Variants in IRAK1BP1 observed in about 807,000 individuals in gnomAD.
IRAK1BP1 encodes interleukin 1 receptor associated kinase 1 binding protein 1, also known as interleukin-1 receptor-associated kinase 1-binding protein 1.
Under a neutral mutation model 28.0 loss-of-function variants are expected in IRAK1BP1, and 24 were observed. That is an observed-to-expected ratio of 0.86 (90% confidence interval 0.62 to 1.20). IRAK1BP1 has a LOEUF of 1.20. Ranked by LOEUF, IRAK1BP1 falls within the 50% of genes most tolerant of loss-of-function variation. The pLI, the probability that IRAK1BP1 is intolerant of heterozygous loss-of-function variation, is 0.00. For synonymous variants in IRAK1BP1, 131 were observed against 116.3 expected (o/e 1.13, Z -0.81); for missense variants, 336 against 316.7 (o/e 1.06, Z -0.46).
At chr6:78,905,867 C>G (rs536338200), downstream of IRAK1BP1, among the ~76,000 whole-genome samples, 1 of 152,274 alleles carries the variant, frequency 6.6e-6, no homozygotes, top group Admixed American at 6.5e-5. Flanking sequence ...TCCCAAAGTG[C>G]TGGGATTACA....
the IRAK1BP1 span, among the ~76,000 whole-genome samples, chr6:78,975,476 C>A: frequency 6.6e-6 from 1 of 152,184 alleles, no homozygotes. Context: ...GACAGGGATG[C>A]TCTCTCTCAC....
chr6:78,961,692 G>A, the IRAK1BP1 span: 1 of 1,611,618 alleles, frequency 6.2e-7, no homozygotes, highest in Non-Finnish European at 8.5e-7. Flanking sequence ...GTTCTAACCT[G>A]TAAAACCTGT....
chr6:78,943,990 T>TAAAAAAAAAA (rs558983037), intron 4 of IRAK1BP1, among the ~76,000 whole-genome samples: 1 of 78,144 alleles, frequency 1.3e-5, no homozygotes, highest in Non-Finnish European at 2.3e-5. Context: ...TGTCTTTTTT[T>TAAAAAAAAAA]AAAAAAAAAA....
chr6:78,870,253 A>C (rs556355853), intron 1 of IRAK1BP1, among the ~76,000 whole-genome samples: 1 of 152,146 alleles, frequency 6.6e-6, no homozygotes, highest in South Asian at 2.1e-4. Context: ...TCTCAAAAAA[A>C]AAAAGAAAAG....
intron 4 of IRAK1BP1, chr6:78,939,996 T>C (rs143388188): frequency 1.3e-5 from 2 of 152,570 alleles, no homozygotes; most frequent in East Asian, 1.9e-4. Flanking sequence ...TTGAGTGATA[T>C]AAGAATCAAG....
At chr6:78,945,910 T>C in exon 5 of IRAK1BP1, 1 of 873,286 alleles carries the variant, frequency 1.1e-6, no homozygotes, top group Non-Finnish European at 1.8e-6. Context: ...CTGCTAGGAA[T>C]TACTAAAACT....
At chr6:78,964,157 G>A in the IRAK1BP1 span, among the ~76,000 whole-genome samples, 2 of 152,074 alleles carry the variant, frequency 1.3e-5, no homozygotes, top group Non-Finnish European at 2.9e-5. Flanking sequence ...CATAAGCCAT[G>A]TAACATGGTT....
chr6:78,917,460 G>A (rs1204856921), intron 4 of IRAK1BP1, among the ~76,000 whole-genome samples: 1 of 151,914 alleles, frequency 6.6e-6, no homozygotes, highest in Non-Finnish European at 1.5e-5. Context: ...ATTCCTGAAA[G>A]AGAAAATGTA....
chr6:78,938,170 C>T (rs1349442339), intron 4 of IRAK1BP1: 2 of 151,616 alleles, frequency 1.3e-5, no homozygotes, highest in Non-Finnish European at 3.0e-5. Context: ...ATTGGTATTA[C>T]TAATACATGT....
intron 1 of IRAK1BP1, among the ~76,000 whole-genome samples, chr6:78,882,920 C>T (rs1297374578): frequency 1.3e-5 from 2 of 152,126 alleles, no homozygotes; most frequent in East Asian, 3.8e-4. Context: ...ATCTTGGTAA[C>T]TTCTCTGTAA....
At chr6:78,952,638 C>T in the IRAK1BP1 span, among the ~76,000 whole-genome samples, 2 of 152,004 alleles carry the variant, frequency 1.3e-5, no homozygotes, top group Non-Finnish European at 2.9e-5. Context: ...ATAGAATTTG[C>T]TTAGATCTTT....
At chr6:78,869,874 C>A (rs533351120) in intron 1 of IRAK1BP1, among the ~76,000 whole-genome samples, 157 of 151,896 alleles carry the variant, frequency 1.0e-3, no homozygotes, top group African/African-American at 3.4e-3. Context: ...TTTGGGAGGC[C>A]GAGGAGGGCA....
rs974524400 is a variant in IRAK1BP1 at position 78,892,738 on chromosome 6, C to A, written c.382-5091C>A. ...TGTGCAAGATATTAAAAACAAAAAA[C>A]AAATTGAATTTCCAAAGATGAAAAC... On this transcript the variant is annotated intron_variant, in intron 2 of 3. Coordinates refer to ENST00000369940, the MANE Select transcript of IRAK1BP1 (RefSeq NM_001010844.4). Among the ~76,000 whole-genome samples, 6 of 152,104 alleles carry A rather than the reference C, an allele frequency of 3.9e-5. No individual in the cohort carries two copies. The South Asian group carries it at 1.2e-3, about 32-fold the overall frequency.
At chr6:78,915,230 T>C (rs1772530580) in intron 4 of IRAK1BP1, among the ~76,000 whole-genome samples, 1 of 152,222 alleles carries the variant, frequency 6.6e-6, no homozygotes, top group Non-Finnish European at 1.5e-5. Context: ...ATGCATATGA[T>C]GCATTAAATT....
chr6:78,976,079 C>T, the IRAK1BP1 span, among the ~76,000 whole-genome samples: 1 of 151,562 alleles, frequency 6.6e-6, no homozygotes, highest in Non-Finnish European at 1.5e-5. Flanking sequence ...CAATCCTAAG[C>T]CAAAAGAACA....
intron 1 of IRAK1BP1, among the ~76,000 whole-genome samples, chr6:78,873,865 G>T (rs1770888663): frequency 3.3e-5 from 5 of 152,184 alleles, no homozygotes; most frequent in Non-Finnish European, 7.3e-5. Context: ...TTTGGTATAA[G>T]GATAAGAGTT....
At chr6:78,978,632 A>G in the IRAK1BP1 span, 1 of 1,593,722 alleles carries the variant, frequency 6.3e-7, no homozygotes, top group Non-Finnish European at 8.6e-7. Context: ...TCTTCGGGGA[A>G]TGGTATCTGT....
chr6:78,935,577 AT>A, intron 4 of IRAK1BP1: 1 of 970,716 alleles, frequency 1.0e-6, no homozygotes, highest in Non-Finnish European at 1.2e-6. Flanking sequence ...ACGGTAAGAA[AT>A]CAATAAAATT....
intron 4 of IRAK1BP1, among the ~76,000 whole-genome samples, chr6:78,913,657 A>C (rs1772483437): frequency 6.6e-6 from 1 of 152,130 alleles, no homozygotes; most frequent in Non-Finnish European, 1.5e-5. Flanking sequence ...AAAAAAAGTC[A>C]TTGCTGAGAA....
Sources: allele counts gnomAD v4.1 joint callset (sites outside exome capture counted in the v4.1 genomes callset), GRCh38; gene constraint gnomAD v4.1.1; transcripts MANE v1.5; gene names NCBI Gene and HGNC (gene_info 2026-07-23, HGNC 2026-07-21).